Variants in PPP3CA observed in about 807,000 individuals in gnomAD.
PPP3CA encodes CAM-PRP catalytic subunit.
In PPP3CA, 14 loss-of-function variants were observed where a neutral mutation model predicts 66.5. That is an observed-to-expected ratio of 0.21 (90% CI 0.14 to 0.33). The LOEUF (loss-of-function observed/expected upper bound fraction) is 0.33, where lower values mean the gene tolerates loss of function less well. PPP3CA is among the 10% of genes least tolerant of loss of function. The pLI, the probability that PPP3CA is intolerant of heterozygous loss-of-function variation, is 1.00. For synonymous variants in PPP3CA, 232 were observed against 226.2 expected (o/e 1.03, Z -0.23); for missense variants, 317 against 639.5 (o/e 0.50, Z 5.44).
intron 1 of PPP3CA, among the ~76,000 whole-genome samples, chr4:101,248,988 G>A (rs1023501799): frequency 1.3e-5 from 2 of 150,958 alleles, no homozygotes; most frequent in Non-Finnish European, 3.0e-5. Context: ...GTGAAACCCC[G>A]TCTCTACTAA....
At chr4:101,297,673 C>T (rs1268132290) in intron 1 of PPP3CA, among the ~76,000 whole-genome samples, 1 of 152,154 alleles carries the variant, frequency 6.6e-6, no homozygotes, top group African/African-American at 2.4e-5. Flanking sequence ...CCTACCATGA[C>T]AGAGGTTTCT....
At chr4:101,294,564 C>G (rs147187233) in intron 1 of PPP3CA, among the ~76,000 whole-genome samples, 270 of 151,988 alleles carry the variant, frequency 1.8e-3, no homozygotes, top group African/African-American at 6.2e-3. Flanking sequence ...CTATATTTGT[C>G]TCTAATATTA....
intron 2 of PPP3CA, among the ~76,000 whole-genome samples, chr4:101,152,036 T>C (rs766104000): frequency 1.3e-5 from 2 of 152,216 alleles, no homozygotes; most frequent in Non-Finnish European, 2.9e-5. Flanking sequence ...TATTTCAACA[T>C]AACTAGAAGT....
intron 1 of PPP3CA, among the ~76,000 whole-genome samples, chr4:101,249,489 T>TG (rs1491067489): frequency 6.6e-6 from 1 of 151,910 alleles, no homozygotes; most frequent in Admixed American, 6.6e-5. Context: ...TGTGTGTGTG[T>TG]TTTTTAGTAC....
At chr4:101,183,771 T>C (rs560930659) in intron 2 of PPP3CA, among the ~76,000 whole-genome samples, 3 of 152,288 alleles carry the variant, frequency 2.0e-5, no homozygotes, top group Non-Finnish European at 4.4e-5. Flanking sequence ...AAAGACAGAC[T>C]GGAAGCTGTT....
intron 2 of PPP3CA, among the ~76,000 whole-genome samples, chr4:101,195,465 T>C (rs961588343): frequency 6.6e-6 from 1 of 152,082 alleles, no homozygotes; most frequent in African/African-American, 2.4e-5. Flanking sequence ...GGCCTAAGAA[T>C]GCATATTTTA....
chr4:101,072,242 ACT>A (rs1277257269), intron 8 of PPP3CA, among the ~76,000 whole-genome samples: 3 of 152,166 alleles, frequency 2.0e-5, no homozygotes, highest in Admixed American at 6.5e-5. Flanking sequence ...ATAACAAATG[ACT>A]CTTCATTTCA....
At chr4:101,032,235 C>T in intron 12 of PPP3CA, 32 bp downstream of exon 12, 1 of 1,479,842 alleles carries the variant, frequency 6.8e-7, no homozygotes, top group Non-Finnish European at 9.1e-7. Context: ...TGCGATGCCC[C>T]AGCACACAGT....
chr4:101,118,337 T>C (rs1721913283), intron 2 of PPP3CA, among the ~76,000 whole-genome samples: 1 of 152,168 alleles, frequency 6.6e-6, no homozygotes, highest in Middle Eastern at 3.4e-3. Context: ...TAATCTCTCT[T>C]TATCTGTTTC....
chr4:101,050,117 C>G (rs1727944796), intron 10 of PPP3CA, among the ~76,000 whole-genome samples: 1 of 152,062 alleles, frequency 6.6e-6, no homozygotes, highest in South Asian at 2.1e-4. Context: ...AGTCATGAGA[C>G]TTTAACATCA....
chr4:101,052,026 T>C (rs948627752), intron 10 of PPP3CA, among the ~76,000 whole-genome samples: 3 of 152,016 alleles, frequency 2.0e-5, no homozygotes, highest in Non-Finnish European at 2.9e-5. Flanking sequence ...GATATGGCTG[T>C]TTTTTTAACA....
intron 3 of PPP3CA, among the ~76,000 whole-genome samples, chr4:101,107,727 T>C (rs1721478330): frequency 6.6e-6 from 1 of 152,228 alleles, no homozygotes; most frequent in African/African-American, 2.4e-5. Flanking sequence ...TGTTTAAGGA[T>C]GACATGCTTT....
chr4:101,030,712 C>T (rs1578387186), intron 12 of PPP3CA, among the ~76,000 whole-genome samples: 1 of 152,104 alleles, frequency 6.6e-6, no homozygotes, highest in African/African-American at 2.4e-5. Flanking sequence ...CAGAATCACA[C>T]CAGCACTGAC....
At chr4:101,267,350 T>G (rs1206946635) in intron 1 of PPP3CA, among the ~76,000 whole-genome samples, 2 of 152,182 alleles carry the variant, frequency 1.3e-5, no homozygotes, top group African/African-American at 4.8e-5. Flanking sequence ...TGAATAAAGA[T>G]TTCTTTCCAA....
intron 2 of PPP3CA, among the ~76,000 whole-genome samples, chr4:101,133,867 A>C (rs181437498): frequency 0.011 from 1,613 of 152,358 alleles, 5 homozygotes; most frequent in Non-Finnish European, 0.017. Flanking sequence ...TACAGTAACC[A>C]AAACAGCATG....
At chr4:101,149,309 G>A (rs1343590519) in intron 2 of PPP3CA, among the ~76,000 whole-genome samples, 2 of 152,118 alleles carry the variant, frequency 1.3e-5, no homozygotes, top group East Asian at 1.9e-4. Flanking sequence ...TCTCCTAAGT[G>A]TTAGAAAACA....
chr4:101,188,011 A>G (rs1280651489), intron 2 of PPP3CA, among the ~76,000 whole-genome samples: 1 of 152,130 alleles, frequency 6.6e-6, no homozygotes, highest in East Asian at 1.9e-4. Flanking sequence ...TGATTCTGAG[A>G]GCAATTAAAA....
At chr4:101,247,253 C>T (rs1167380279) in intron 1 of PPP3CA, among the ~76,000 whole-genome samples, 1 of 151,980 alleles carries the variant, frequency 6.6e-6, no homozygotes, top group Non-Finnish European at 1.5e-5. Flanking sequence ...CCTTCGCCTC[C>T]CGAGTTCAAG....
intron 1 of PPP3CA, among the ~76,000 whole-genome samples, chr4:101,334,314 T>C (rs571570791): frequency 2.1e-4 from 32 of 152,204 alleles, no homozygotes; most frequent in African/African-American, 7.0e-4. Context: ...TTTATATTTT[T>C]AGTGGAAATG....
Sources: gnomAD v4.1 joint callset for allele counts (sites outside exome capture counted in the v4.1 genomes callset) on GRCh38, gnomAD v4.1.1 for gene constraint, MANE v1.5 for transcripts, NCBI Gene and HGNC (gene_info 2026-07-23, HGNC 2026-07-21) for gene names.